Variants in HMX1 observed in about 807,000 individuals in gnomAD.
HMX1 encodes H6 family homeobox 1.
HMX1 carries 8 observed loss-of-function variants against 8.9 expected under a neutral mutation model. That is an observed-to-expected ratio of 0.90 (90% confidence interval 0.53 to 1.63). The LOEUF (loss-of-function observed/expected upper bound fraction) is 1.63, where lower values mean the gene tolerates loss of function less well. Among genes scored for constraint, HMX1 ranks in the 40% most tolerant of loss-of-function variants. HMX1 has a pLI of 0.00. For missense variants in HMX1, 621 were observed against 558.5 expected (o/e 1.11, Z -1.13); for synonymous variants, 311 against 283.4 (o/e 1.10, Z -0.98).
downstream of HMX1, among the ~76,000 whole-genome samples, chr4:8,864,527 C>T (rs1051373691): frequency 1.3e-5 from 2 of 152,214 alleles, no homozygotes; most frequent in Admixed American, 6.5e-5. Flanking sequence ...GAGGTGCACC[C>T]GCGATCGATG....
intron 1 of HMX1, among the ~76,000 whole-genome samples, chr4:8,850,787 G>C (rs1026441234): frequency 6.6e-6 from 1 of 152,156 alleles, no homozygotes; most frequent in African/African-American, 2.4e-5. Flanking sequence ...CTCGGTCTTC[G>C]CTCCTGGTCT....
downstream of HMX1, among the ~76,000 whole-genome samples, chr4:8,862,530 G>C (rs1410083960): frequency 6.6e-6 from 1 of 152,036 alleles, no homozygotes; most frequent in African/African-American, 2.4e-5. Context: ...ACTTATTTTT[G>C]TTGCCTTATT....
At position 8,847,399 on chromosome 4, in the gene HMX1, G is replaced by C. The variant is rs1721311608; in HGVS notation, c.395-1075C>G. On this transcript the variant is annotated intron_variant, in intron 1 of 1. Transcript: ENST00000506970. This position sits in a 1 kb window ranked among gnomAD's most constrained non-coding sequence, Gnocchi z 6.0. ...GGAGCAAGATGTTTCTGGGAACGTG[G>C]TTTGAGAAATGCTGTTCACGGTGAA... 6.6e-6 allele frequency among the ~76,000 whole-genome samples: 1 copy of C among 152,240 alleles called. No individual in the cohort carries two copies. The highest frequency in any genetic ancestry group is 2.4e-5 in the African/African-American group (1 of 41,460).
chr4:8,849,365 C>CT lies in HMX1; in HGVS notation c.395-3042dup, dbSNP rs1174620415. ...AAAGAGAACTTTGGACACAGACTCA[C>CT]TAGAGGCAGGGCAGCGTGAAGCCAA... is the stretch of plus-strand genomic sequence containing the variant. On this transcript the variant is annotated intron_variant, in intron 1 of 1. Transcript: ENST00000506970. The surrounding 1 kb of genome is among the most constrained non-coding windows in gnomAD (Gnocchi z 6.6). Among the ~76,000 whole-genome samples, 5 of 151,992 alleles carry CT rather than the reference C, an allele frequency of 3.3e-5. No individual in the cohort carries two copies. The highest frequency in any genetic ancestry group is 4.4e-5 in the Non-Finnish European group (3 of 68,006).
At chr4:8,858,986 G>A (rs1721706062) in intron 1 of HMX1, 1 of 152,232 alleles carries the variant, frequency 6.6e-6, no homozygotes, top group South Asian at 2.1e-4. Context: ...GTGCCCTCCT[G>A]GCTGGACCCA....
chr4:8,852,666 C>T (rs1721491486), intron 1 of HMX1, among the ~76,000 whole-genome samples: 2 of 152,206 alleles, frequency 1.3e-5, no homozygotes, highest in African/African-American at 2.4e-5. Flanking sequence ...CTTTACAAGT[C>T]CTGGTTTTGG....
In HMX1 at chr4:8,867,101, A is replaced by C. The variant is rs541087976; in HGVS notation, c.*592T>G. On this transcript the variant is annotated 3_prime_UTR_variant, in exon 2 of 2. Transcript: ENST00000400677. The stretch of plus-strand genomic sequence containing the variant: ...CGCAAATAAGTAGATTCATTTAAAA[A>C]AACAACAACCCGGAGGCTGCGACGT... 2.6e-5 allele frequency: 26 copies of C among 985,492 alleles called. No individual in the cohort carries two copies. Among genetic ancestry groups the C allele is most frequent in the Non-Finnish European group, 2.9e-5 (24 of 829,964 alleles). The allele number at this position is 985,492 out of a possible 1,614,324, so 61.0% of individuals were successfully genotyped here. A position where few individuals can be genotyped will look rare whatever the true frequency, so the allele number is the denominator to read the frequency against.
chr4:8,847,115 G>T lies in HMX1; in HGVS notation c.395-791C>A, dbSNP rs1224316132. ...CTGACCATTTGCATTGCCACATCAA[G>T]GGCTCTAAGAAAGTCTACAAATAAA... is the stretch of plus-strand genomic sequence containing the variant. On this transcript the variant is annotated intron_variant, in intron 1 of 1. Coordinates refer to the HMX1 transcript ENST00000506970. The surrounding 1 kb of genome is among the most constrained non-coding windows in gnomAD (Gnocchi z 6.0). 6.6e-6 allele frequency among the ~76,000 whole-genome samples: 1 copy of T among 152,212 alleles called. No homozygotes were observed. The highest frequency in any genetic ancestry group is 2.1e-4 in the South Asian group (1 of 4,824).
chr4:8,857,365 C>T (rs2109459488), intron 1 of HMX1, among the ~76,000 whole-genome samples: 1 of 152,258 alleles, frequency 6.6e-6, no homozygotes, highest in South Asian at 2.1e-4. Flanking sequence ...TCTTGTTGCC[C>T]GTGGGGCCCC....
chr4:8,858,753 G>C (rs28404294), intron 1 of HMX1: 30,231 of 152,318 alleles, frequency 0.2, 5,736 homozygotes, highest in African/African-American at 0.5. Flanking sequence ...GAAGGTCCTG[G>C]AGTCGGTCCT....
chr4:8,863,399 A>G (rs1222400783), downstream of HMX1, among the ~76,000 whole-genome samples: 1 of 152,192 alleles, frequency 6.6e-6, no homozygotes, highest in East Asian at 1.9e-4. Flanking sequence ...GGTGCTGCTC[A>G]CCCAGCCAGA....
intron 1 of HMX1, among the ~76,000 whole-genome samples, chr4:8,850,133 G>A (rs150185441): frequency 6.6e-6 from 1 of 152,300 alleles, no homozygotes; most frequent in African/African-American, 2.4e-5. Context: ...GTGCTGGCTG[G>A]GGCTGGGTAA....
At position 8,871,470 on chromosome 4, in the gene HMX1, C is replaced by A; in HGVS notation, c.145G>T (p.Asp49Tyr). The change falls in exon 1 of 2, where the codon GAC becomes TAC. Residue 49 changes from aspartate (D) to tyrosine (Y), a missense_variant. Coordinates refer to ENST00000400677, the MANE Select transcript of HMX1 (RefSeq NM_018942.3). This position sits in a 1 kb window ranked among gnomAD's most constrained non-coding sequence, Gnocchi z 4.8. ...DGSREDEEEDDDDPEDEDAEQ... is the reference protein window; with the variant it reads ...DGSREDEEEDYDDPEDEDAEQ... Reference sequence around the variant, plus strand: ...GCGTCCTCGTCTTCGGGGTCGTCGTCGTCCTCCTCCTCGTCCTCCCGGCTG... The same window carrying A: ...GCGTCCTCGTCTTCGGGGTCGTCGTAGTCCTCCTCCTCGTCCTCCCGGCTG... 1.5e-6 allele frequency: 2 copies of A among 1,343,694 alleles called. No individual in the cohort carries two copies. The highest frequency in any genetic ancestry group is 1.5e-5 in the African/African-American group (1 of 64,520). 83.2% of individuals were successfully genotyped at this position (1,343,694 alleles called of 1,614,324 possible).
At chr4:8,863,675 T>C (rs1277455752), downstream of HMX1, among the ~76,000 whole-genome samples, 3 of 152,240 alleles carry the variant, frequency 2.0e-5, no homozygotes, top group Non-Finnish European at 4.4e-5. Flanking sequence ...GGTACCTGCC[T>C]GTCTCTCATT....
At chr4:8,864,214 C>T (rs1264679567), downstream of HMX1, among the ~76,000 whole-genome samples, 1 of 152,210 alleles carries the variant, frequency 6.6e-6, no homozygotes, top group African/African-American at 2.4e-5. Context: ...TAGTTCTCAC[C>T]ATAGGTGTGC....
At position 8,846,219 on chromosome 4, in the gene HMX1, G is replaced by A. The variant is rs150142929; in HGVS notation, c.500C>T (p.Ala167Val). The change falls in exon 2 of 2, where the codon GCG (alanine) becomes GTG (valine). Residue 167 changes from alanine (A) to valine (V), a missense_variant. Physicochemically the swap from Ala to Val is moderately conservative, Grantham distance 64 (BLOSUM62 0). Transcript: ENST00000506970. Reference sequence around the variant, plus strand: ...CCATCCAGTCCCTGCGGCCTCCTCCGCCATCCAGAGGCTCCCACTGTCACT... The same window carrying A: ...CCATCCAGTCCCTGCGGCCTCCTCCACCATCCAGAGGCTCCCACTGTCACT... 4.8e-4 allele frequency: 724 copies of A among 1,520,582 alleles called. 3 individuals are homozygous for A. The African/African-American group carries it at 8.8e-3, about 19-fold the overall frequency. 94.2% of individuals were successfully genotyped at this position (1,520,582 alleles called of 1,614,324 possible).
At chr4:8,860,212 C>T (rs1577196296) in intron 1 of HMX1, among the ~76,000 whole-genome samples, 2 of 152,222 alleles carry the variant, frequency 1.3e-5, no homozygotes, top group African/African-American at 2.4e-5. Context: ...GAAGTGGGGG[C>T]GCCCCCTGGC....
At chr4:8,864,466 G>A (rs866912711), downstream of HMX1, among the ~76,000 whole-genome samples, 1 of 152,188 alleles carries the variant, frequency 6.6e-6, no homozygotes, top group Non-Finnish European at 1.5e-5. Flanking sequence ...GCATGTGGTG[G>A]AGGCAGATCG....
downstream of HMX1, among the ~76,000 whole-genome samples, chr4:8,866,329 A>G (rs1299575538): frequency 6.6e-6 from 1 of 152,204 alleles, no homozygotes; most frequent in African/African-American, 2.4e-5. Context: ...CAGGACAGGG[A>G]GATGGGTTTT....
Sources: gnomAD v4.1 joint callset for allele counts (sites outside exome capture counted in the v4.1 genomes callset) on GRCh38, gnomAD v4.1.1 for gene constraint, Gnocchi (gnomAD v3.1) non-coding constraint, MANE v1.5 for transcripts, NCBI Gene and HGNC (gene_info 2026-07-23, HGNC 2026-07-21) for gene names.